CAMK4: variants seen among roughly 807,000 people sequenced by gnomAD.
CAMK4 encodes calcium/calmodulin-dependent protein kinase type IV.
Under a neutral mutation model 44.9 loss-of-function variants are expected in CAMK4, and 22 were observed. The ratio of observed to expected loss-of-function variants is 0.49; its 90% CI spans 0.35 to 0.70. The LOEUF (loss-of-function observed/expected upper bound fraction) is 0.70. Ranked by LOEUF, CAMK4 falls within the 30% of genes least tolerant of loss-of-function variation. The pLI is 0.01. For missense variants in CAMK4, 498 were observed against 586.8 expected (o/e 0.85, Z 1.56); for synonymous variants, 218 against 215.4 (o/e 1.01, Z -0.11).
rs563488426 is a variant in CAMK4 at position 111,406,811 on chromosome 5, C to A, written c.459+12029C>A. ...AAGAGAATACCTCAAGGAAATGCCT[C>A]AGGATTAAGATGAGTGTCTTCACTT... On this transcript the variant is annotated intron_variant, in intron 5 of 10. Coordinates refer to ENST00000282356, the MANE Select transcript of CAMK4 (RefSeq NM_001744.6). 1.7e-4 allele frequency among the ~76,000 whole-genome samples: 26 copies of A among 152,264 alleles called. No individual in the cohort carries two copies. The East Asian group carries it at 5.0e-3, about 29-fold the overall frequency.
intron 7 of CAMK4, among the ~76,000 whole-genome samples, chr5:111,456,849 A>T (rs909345158): frequency 1.3e-5 from 2 of 152,206 alleles, no homozygotes; most frequent in Non-Finnish European, 2.9e-5. Context: ...TAAAATTATT[A>T]TTCCAAAATT....
At chr5:111,409,352 T>C (rs1196897371) in intron 5 of CAMK4, among the ~76,000 whole-genome samples, 1 of 152,222 alleles carries the variant, frequency 6.6e-6, no homozygotes, top group Admixed American at 6.5e-5. Context: ...AGCAATGGCC[T>C]GAGTTGTACA....
intron 1 of CAMK4, among the ~76,000 whole-genome samples, chr5:111,325,756 C>G (rs1018653050): frequency 2.6e-5 from 4 of 151,736 alleles, no homozygotes; most frequent in African/African-American, 9.7e-5. Flanking sequence ...GTTTAAGTTC[C>G]TTGTATATTC....
intron 1 of CAMK4, among the ~76,000 whole-genome samples, chr5:111,316,089 A>G (rs1748410076): frequency 6.6e-6 from 1 of 152,142 alleles, no homozygotes; most frequent in Admixed American, 6.6e-5. Flanking sequence ...AAACATTACC[A>G]ATAATAAAGA....
At chr5:111,377,512 AG>A (rs1366397534) in intron 4 of CAMK4, among the ~76,000 whole-genome samples, 12 of 3,066 alleles carry the variant, frequency 3.9e-3, no homozygotes, top group African/African-American at 0.017. Flanking sequence ...GTGAGAATGG[AG>A]GGGGGTGGGG....
chr5:111,299,095 C>T (rs905967741), intron 1 of CAMK4, among the ~76,000 whole-genome samples: 1 of 152,218 alleles, frequency 6.6e-6, no homozygotes, highest in Non-Finnish European at 1.5e-5. Flanking sequence ...CATGTCCCTA[C>T]CTGGAAGATG....
intron 1 of CAMK4, among the ~76,000 whole-genome samples, chr5:111,238,317 C>G (rs760111265): frequency 6.6e-6 from 1 of 152,120 alleles, no homozygotes; most frequent in African/African-American, 2.4e-5. Flanking sequence ...ACTCCCAATA[C>G]GATGGGGTTT....
chr5:111,441,615 T>C (rs1373682662), intron 5 of CAMK4, among the ~76,000 whole-genome samples: 1 of 152,172 alleles, frequency 6.6e-6, no homozygotes, highest in Non-Finnish European at 1.5e-5. Flanking sequence ...CCCCAGTTCT[T>C]CTCCCCAGTT....
intron 5 of CAMK4, among the ~76,000 whole-genome samples, chr5:111,445,648 G>A (rs1243603802): frequency 6.6e-6 from 1 of 152,064 alleles, no homozygotes; most frequent in Admixed American, 6.6e-5. Context: ...CACTGGTCTC[G>A]AACTCCTGGA....
intron 10 of CAMK4, 40 bp from the exon 11 acceptor site, chr5:111,483,986 A>G: frequency 6.8e-7 from 1 of 1,465,232 alleles, no homozygotes; most frequent in South Asian, 1.4e-5. Flanking sequence ...TGGGGTGTTA[A>G]AGCAGAGGTA....
At chr5:111,344,185 G>T (rs976559081) in intron 2 of CAMK4, 83 bp downstream of exon 2, 12 of 801,398 alleles carry the variant, frequency 1.5e-5, no homozygotes, top group Non-Finnish European at 2.5e-5. Context: ...GAACAAAGGG[G>T]CCAGAGAGCT....
chr5:111,334,520 C>T (rs529867853), intron 1 of CAMK4, among the ~76,000 whole-genome samples: 1 of 151,600 alleles, frequency 6.6e-6, no homozygotes, highest in African/African-American at 2.4e-5. Context: ...TAATATGACA[C>T]ACTTTCACCC....
At chr5:111,439,859 G>C (rs1753766604) in intron 5 of CAMK4, among the ~76,000 whole-genome samples, 1 of 152,168 alleles carries the variant, frequency 6.6e-6, no homozygotes, top group African/African-American at 2.4e-5. Context: ...AGGAACACTG[G>C]CCTATGAGAG....
At chr5:111,420,780 G>T (rs1041898513) in intron 5 of CAMK4, among the ~76,000 whole-genome samples, 5 of 152,152 alleles carry the variant, frequency 3.3e-5, no homozygotes, top group Admixed American at 3.3e-4. Context: ...GCTCTGTTCC[G>T]CCCAGCTCAC....
rs913133637 is a variant in CAMK4, at chr5:111,486,145, C to T, written c.*1679C>T. The T allele has an allele frequency of 2.0e-5, 3 of 152,066 alleles. No individual in the cohort carries two copies. Among genetic ancestry groups the T allele is most frequent in the Admixed American group, 6.6e-5 (1 of 15,254 alleles). The allele number at this position is 152,066 out of a possible 1,614,324, so 9.4% of individuals were successfully genotyped here. A position where few individuals can be genotyped will look rare whatever the true frequency, so the allele number is the denominator to read the frequency against. Reference sequence around the variant, plus strand: ...GGACCTCAGTAGACATTCTTCTTTTCAATCACAAATCTCTCTCTACTACTG... The same window carrying T: ...GGACCTCAGTAGACATTCTTCTTTTTAATCACAAATCTCTCTCTACTACTG... On this transcript the variant is annotated 3_prime_UTR_variant, in exon 11 of 11. Transcript: ENST00000282356.
At chr5:111,394,623 C>A in intron 4 of CAMK4, 87 bp from the exon 5 acceptor site, 5 of 861,422 alleles carry the variant, frequency 5.8e-6, no homozygotes, top group Non-Finnish European at 9.5e-6. Flanking sequence ...TGTGCACCAT[C>A]TTTAACATTA....
intron 1 of CAMK4, among the ~76,000 whole-genome samples, chr5:111,258,933 C>G (rs1301234519): frequency 6.6e-6 from 1 of 151,914 alleles, no homozygotes; most frequent in Non-Finnish European, 1.5e-5. Flanking sequence ...TAGGAAAAAC[C>G]CTTAAGGAAG....
chr5:111,451,024 A>G lies in CAMK4; in HGVS notation c.625+1821A>G, dbSNP rs1897528. ...ACTTTTGAAATCATAAAAATCAGATAGGCGAAGTGCGATAATATATTCATT... is the reference window on the plus strand; with the variant it reads ...ACTTTTGAAATCATAAAAATCAGATGGGCGAAGTGCGATAATATATTCATT... On this transcript the variant is annotated intron_variant, in intron 7 of 10. Coordinates refer to ENST00000282356, the MANE Select transcript of CAMK4 (RefSeq NM_001744.6). 7.2e-5 allele frequency among the ~76,000 whole-genome samples: 11 copies of G among 152,024 alleles called. No individual in the cohort carries two copies. In the South Asian group the frequency reaches 1.2e-3, roughly 17 times the overall value.
chr5:111,480,361 C>G (rs747243530), intron 9 of CAMK4, among the ~76,000 whole-genome samples: 3 of 151,788 alleles, frequency 2.0e-5, no homozygotes, highest in African/African-American at 4.8e-5. Flanking sequence ...CGGCCTTCCC[C>G]TTCAGTCCCT....
Sources: gnomAD v4.1 joint callset for allele counts (sites outside exome capture counted in the v4.1 genomes callset) on GRCh38, gnomAD v4.1.1 for gene constraint, MANE v1.5 for transcripts, NCBI Gene and HGNC (gene_info 2026-07-23, HGNC 2026-07-21) for gene names.